The following SAMD5 variants were observed in gnomAD, a reference collection of about 807,000 sequenced individuals.
SAMD5 encodes the protein sterile alpha motif domain-containing protein 5.
In SAMD5, 13 loss-of-function variants were observed where a neutral mutation model predicts 11.3. That is an observed-to-expected ratio of 1.15 (90% CI 0.75 to 1.83). SAMD5 has a LOEUF of 1.83. SAMD5 is among the 40% of genes most tolerant of loss of function. SAMD5 has a pLI of 0.00. For missense variants in SAMD5, 255 were observed against 239.1 expected, an observed-to-expected ratio of 1.07 and a Z score of -0.44; for synonymous variants, 129 against 111.3, an observed-to-expected ratio of 1.16 and a Z score of -1.00.
At chr6:147,625,352 T>A (rs1371135135) in intron 1 of SAMD5, among the ~76,000 whole-genome samples, 1 of 152,198 alleles carries the variant, frequency 6.6e-6, no homozygotes, top group Non-Finnish European at 1.5e-5. Flanking sequence ...CAGGAGGGAC[T>A]CATGTTTCAT....
At chr6:147,621,477 G>A (rs1789964446) in intron 1 of SAMD5, among the ~76,000 whole-genome samples, 1 of 151,874 alleles carries the variant, frequency 6.6e-6, no homozygotes, top group Non-Finnish European at 1.5e-5. Context: ...AGCCACTTCA[G>A]GAATCCATCC....
chr6:147,527,795 TA>T lies in SAMD5; in HGVS notation c.459+18411del, dbSNP rs1788365606. 2.6e-5 allele frequency among the ~76,000 whole-genome samples: 4 copies of T among 151,236 alleles called. No homozygotes were observed. The South Asian group carries it at 8.3e-4, about 31-fold the overall frequency. On this transcript the variant is annotated intron_variant, in intron 1 of 1. Coordinates refer to ENST00000367474, the MANE Select transcript of SAMD5 (RefSeq NM_001030060.3). ...TTATAAAGAAAATAGGTGTTTTTAATAAAGAAAGGTTTTTTTTATAAAGAGG... is the reference window on the plus strand; with the variant it reads ...TTATAAAGAAAATAGGTGTTTTTAATAAGAAAGGTTTTTTTTATAAAGAGG...
At chr6:147,677,833 A>C (rs1790886921) in intron 1 of SAMD5, among the ~76,000 whole-genome samples, 1 of 152,158 alleles carries the variant, frequency 6.6e-6, no homozygotes, top group Admixed American at 6.5e-5. Flanking sequence ...AAAAGTGAGC[A>C]AGCCAGCCCC....
chr6:147,552,413 T>C (rs1334778685), intron 1 of SAMD5, among the ~76,000 whole-genome samples: 1 of 152,204 alleles, frequency 6.6e-6, no homozygotes, highest in Non-Finnish European at 1.5e-5. Context: ...TAATTGAATT[T>C]TCTTTAAGAA....
the SAMD5 span, among the ~76,000 whole-genome samples, chr6:147,926,696 A>G: frequency 6.6e-6 from 1 of 152,054 alleles, no homozygotes; most frequent in African/African-American, 2.4e-5. Flanking sequence ...CCATTTGCCA[A>G]TGTTTGCTTT....
the SAMD5 span, among the ~76,000 whole-genome samples, chr6:147,823,149 T>C: frequency 1.3e-5 from 2 of 152,212 alleles, no homozygotes; most frequent in African/African-American, 4.8e-5. Context: ...TTTGCATATT[T>C]CCTTGTGTGC....
intron 1 of SAMD5, among the ~76,000 whole-genome samples, chr6:147,551,699 T>C (rs941806967): frequency 6.6e-6 from 1 of 151,638 alleles, no homozygotes; most frequent in African/African-American, 2.4e-5. Flanking sequence ...CTTAAAGTGA[T>C]AGTAAAATGC....
chr6:147,611,556 C>A (rs755733437), intron 1 of SAMD5, among the ~76,000 whole-genome samples: 3 of 152,092 alleles, frequency 2.0e-5, no homozygotes, highest in East Asian at 1.9e-4. Flanking sequence ...GAACAAGACT[C>A]CGTCTCTTAA....
chr6:147,947,743 G>T, the SAMD5 span, among the ~76,000 whole-genome samples: 1 of 152,132 alleles, frequency 6.6e-6, no homozygotes, highest in Non-Finnish European at 1.5e-5. Flanking sequence ...GAGCCCAGGG[G>T]CTGATTAAGT....
At chr6:147,632,934 C>T (rs2128451480) in intron 1 of SAMD5, among the ~76,000 whole-genome samples, 1 of 152,218 alleles carries the variant, frequency 6.6e-6, no homozygotes, top group Non-Finnish European at 1.5e-5. Flanking sequence ...CATGCCTTTG[C>T]ACCTTCTTAA....
At chr6:147,773,564 G>A in the SAMD5 span, among the ~76,000 whole-genome samples, 1 of 152,216 alleles carries the variant, frequency 6.6e-6, no homozygotes, top group African/African-American at 2.4e-5. Context: ...GTTAGGGCCT[G>A]CTTCCTGATA....
intron 1 of SAMD5, among the ~76,000 whole-genome samples, chr6:147,636,061 T>C (rs187627878): frequency 6.6e-6 from 1 of 152,202 alleles, no homozygotes; most frequent in East Asian, 1.9e-4. Context: ...GTTACTATTG[T>C]AGGTGTTGGA....
chr6:147,822,501 G>T, the SAMD5 span, among the ~76,000 whole-genome samples: 1 of 152,068 alleles, frequency 6.6e-6, no homozygotes, highest in Admixed American at 6.5e-5. Context: ...ATATAGACTT[G>T]GTATATCCAA....
rs920339494 is a variant in SAMD5 at position 147,566,170 on chromosome 6, G to A, written c.*1714G>A. On this transcript the variant is annotated 3_prime_UTR_variant, in exon 2 of 2. Transcript: ENST00000367474. ...TTAATTCAGGCACTGACTAAAATCAGTCTCATTATCATATACAAATGTAAG... is the reference window on the plus strand; with the variant it reads ...TTAATTCAGGCACTGACTAAAATCAATCTCATTATCATATACAAATGTAAG... 3 of 978,926 alleles carry A rather than the reference G, an allele frequency of 3.1e-6. No homozygotes were observed. Among genetic ancestry groups the A allele is most frequent in the East Asian group, 2.3e-4 (2 of 8,780 alleles). The allele number at this position is 978,926 out of a possible 1,614,324, so 60.6% of individuals were successfully genotyped here.
intron 1 of SAMD5, among the ~76,000 whole-genome samples, chr6:147,689,898 G>T (rs1245567045): frequency 6.6e-6 from 1 of 152,092 alleles, no homozygotes; most frequent in Non-Finnish European, 1.5e-5. Flanking sequence ...ATTCTGTCTG[G>T]AAATTAATGT....
chr6:147,586,641 G>T (rs1583096147), intron 1 of SAMD5, among the ~76,000 whole-genome samples: 1 of 151,738 alleles, frequency 6.6e-6, no homozygotes, highest in Admixed American at 6.6e-5. Context: ...TGTGATAATT[G>T]TGGGAGTTAA....
At chr6:147,922,559 G>A in the SAMD5 span, among the ~76,000 whole-genome samples, 2 of 152,120 alleles carry the variant, frequency 1.3e-5, no homozygotes, top group Admixed American at 6.5e-5. Context: ...TTATAAGCAT[G>A]AGTGCAGATA....
chr6:147,936,700 A>G, the SAMD5 span, among the ~76,000 whole-genome samples: 1 of 152,194 alleles, frequency 6.6e-6, no homozygotes, highest in Admixed American at 6.5e-5. Context: ...TGATTTTCTA[A>G]CAGAATCACA....
chr6:147,759,618 T>G, the SAMD5 span, among the ~76,000 whole-genome samples: 1 of 151,078 alleles, frequency 6.6e-6, no homozygotes, highest in African/African-American at 2.4e-5. Context: ...CACATAATAA[T>G]TTTTAGCTGA....
Sources: gnomAD v4.1 joint callset for allele counts (sites outside exome capture counted in the v4.1 genomes callset) on GRCh38, gnomAD v4.1.1 for gene constraint, MANE v1.5 for transcripts, NCBI Gene and HGNC (gene_info 2026-07-23, HGNC 2026-07-21) for gene names.